LRP1B: variants seen among roughly 807,000 people sequenced by gnomAD.
LRP1B encodes the protein low-density lipoprotein receptor-related protein 1B.
A neutral mutation model predicts 556.6 loss-of-function variants in LRP1B; 217 were observed. The observed-to-expected ratio is 0.39, with a 90% CI of 0.35 to 0.44. LRP1B has a LOEUF of 0.44. Ranked by LOEUF, LRP1B falls within the 20% of genes least tolerant of loss-of-function variation. LRP1B has a pLI of 1.00. For synonymous variants in LRP1B, 2,047 were observed against 1,865.8 expected (o/e 1.10, Z -2.50); for missense variants, 5,053 against 5,620.8 (o/e 0.90, Z 3.23).
chr2:140,843,427 C>T (rs1204356379), intron 29 of LRP1B, among the ~76,000 whole-genome samples: 1 of 152,076 alleles, frequency 6.6e-6, no homozygotes, highest in Non-Finnish European at 1.5e-5. Context: ...AGGTATTCAA[C>T]AGCTTCTAGC....
At position 140,232,538 on chromosome 2, in the gene LRP1B, A is replaced by C. The variant is rs1680517031; in HGVS notation, c.*648T>G. 1 of 151,756 alleles carries C rather than the reference A, an allele frequency of 6.6e-6. No individual in the cohort carries two copies. Among genetic ancestry groups the C allele is most frequent in the African/African-American group, 2.4e-5 (1 of 41,338 alleles). The allele number at this position is 151,756 out of a possible 1,614,324, so 9.4% of individuals were successfully genotyped here. On this transcript the variant is annotated 3_prime_UTR_variant, in exon 91 of 91. Coordinates refer to ENST00000389484, the MANE Select transcript of LRP1B (RefSeq NM_018557.3). Reference sequence around the variant, plus strand: ...TGTATACATTTAGTACATCACATAGAGTCCACTAAGTTTTGGAAAATGTAG... The same window carrying C: ...TGTATACATTTAGTACATCACATAGCGTCCACTAAGTTTTGGAAAATGTAG...
chr2:141,988,665 C>T (rs938386352), intron 1 of LRP1B, among the ~76,000 whole-genome samples: 1 of 152,020 alleles, frequency 6.6e-6, no homozygotes, highest in Non-Finnish European at 1.5e-5. Flanking sequence ...CAAGAAAACA[C>T]TCATCTTCCA....
At chr2:142,128,909 A>C (rs574333137) in intron 1 of LRP1B, among the ~76,000 whole-genome samples, 1 of 152,296 alleles carries the variant, frequency 6.6e-6, no homozygotes, top group East Asian at 1.9e-4. Flanking sequence ...TCTATACAAA[A>C]TTCTCTTCAG....
At chr2:140,572,486 CA>C (rs929982229) in intron 43 of LRP1B, among the ~76,000 whole-genome samples, 1 of 150,812 alleles carries the variant, frequency 6.6e-6, no homozygotes, top group African/African-American at 2.4e-5. Flanking sequence ...ATCAAAAAGA[CA>C]AAAAATAACA....
intron 25 of LRP1B, among the ~76,000 whole-genome samples, chr2:140,881,253 AGTGTGTGTGTGTGT>A (rs3063611): frequency 1.3e-5 from 2 of 149,030 alleles, no homozygotes; most frequent in African/African-American, 4.9e-5. Flanking sequence ...CTTTGCTGTA[AGTGTGTGTGTGTGT>A]GTGTGTGTGC....
In LRP1B at chr2:141,502,336, C is replaced by T. The variant is rs538661179; in HGVS notation, c.206-21803G>A. 2.6e-5 allele frequency among the ~76,000 whole-genome samples: 4 copies of T among 152,208 alleles called. No individual in the cohort carries two copies. The South Asian group carries it at 8.3e-4, about 32-fold the overall frequency. On this transcript the variant is annotated intron_variant, in intron 2 of 90. Transcript: ENST00000389484. ...GGCTGATAATCTAATATCCTGGTCACCTTGAACTAAATGGTGAAATCCATT... is the reference window on the plus strand; with the variant it reads ...GGCTGATAATCTAATATCCTGGTCATCTTGAACTAAATGGTGAAATCCATT...
chr2:141,045,434 AAATT>A (rs1251382322), intron 11 of LRP1B, among the ~76,000 whole-genome samples: 2,570 of 87,958 alleles, frequency 0.029, 70 homozygotes, highest in African/African-American at 0.086. Context: ...AAAAATAAAT[AAATT>A]AATTAATTAA....
At chr2:140,927,465 C>G (rs963620988) in intron 20 of LRP1B, among the ~76,000 whole-genome samples, 20 of 152,036 alleles carry the variant, frequency 1.3e-4, no homozygotes, top group African/African-American at 4.8e-4. Context: ...TTTTTAACTT[C>G]TTGTATGGTT....
rs376385168 is a variant in LRP1B at position 140,541,834 on chromosome 2, G to C, written c.7332C>G (p.Ser2444=). ...YTGGDTKILR[S]DIPHQPMGII... is the part of the protein sequence containing the mutation. Reference sequence around the variant, plus strand: ...TTCCCATTGGCTGATGTGGAATATCGGAACGAAGAATTTTTGTATCTCCTC... The same window carrying C: ...TTCCCATTGGCTGATGTGGAATATCCGAACGAAGAATTTTTGTATCTCCTC... Residue 2444 remains serine (S), a synonymous_variant, in exon 44 of 91, where the codon TCC becomes TCG. Coordinates refer to ENST00000389484, the MANE Select transcript of LRP1B (RefSeq NM_018557.3). The C allele has an allele frequency of 1.2e-6, 2 of 1,612,490 alleles. No homozygotes were observed. Among genetic ancestry groups the C allele is most frequent in the Non-Finnish European group, 1.7e-6 (2 of 1,179,000 alleles).
intron 2 of LRP1B, among the ~76,000 whole-genome samples, chr2:141,683,657 A>G (rs1399193491): frequency 1.3e-5 from 2 of 152,092 alleles, no homozygotes; most frequent in African/African-American, 4.8e-5. Flanking sequence ...GGAAAGAAAT[A>G]AATTTAGGGA....
chr2:142,061,507 A>C (rs1187680390), intron 1 of LRP1B, among the ~76,000 whole-genome samples: 1 of 152,056 alleles, frequency 6.6e-6, no homozygotes, highest in East Asian at 1.9e-4. Flanking sequence ...TAAAGAATAT[A>C]ACACAAGGTA....
intron 1 of LRP1B, among the ~76,000 whole-genome samples, chr2:142,069,267 A>C (rs567983424): frequency 1.1e-4 from 17 of 151,730 alleles, no homozygotes; most frequent in Non-Finnish European, 2.5e-4. Flanking sequence ...GAATTTTACC[A>C]CTATAAATTC....
chr2:140,291,298 T>TTATA (rs66596182), intron 84 of LRP1B, among the ~76,000 whole-genome samples: 7,435 of 71,974 alleles, frequency 0.1, 1,159 homozygotes, highest in South Asian at 0.16. Context: ...AAATTTTATT[T>TTATA]TATATATATA....
chr2:141,991,566 T>C (rs1409916452), intron 1 of LRP1B, among the ~76,000 whole-genome samples: 2 of 152,022 alleles, frequency 1.3e-5, no homozygotes. Context: ...ACATGTAATA[T>C]AAAATTGCAC....
At chr2:140,327,126 A>G (rs1680530455) in intron 79 of LRP1B, among the ~76,000 whole-genome samples, 1 of 152,112 alleles carries the variant, frequency 6.6e-6, no homozygotes, top group African/African-American at 2.4e-5. Flanking sequence ...GCAACTGAAG[A>G]GTGTTCCCAA....
At chr2:141,563,275 C>T (rs569265141) in intron 2 of LRP1B, among the ~76,000 whole-genome samples, 23 of 151,870 alleles carry the variant, frequency 1.5e-4, no homozygotes, top group Admixed American at 1.1e-3. Flanking sequence ...AAATGTTGAT[C>T]CAGATTTGGA....
intron 2 of LRP1B, among the ~76,000 whole-genome samples, chr2:141,548,598 A>G (rs1449973524): frequency 6.6e-6 from 1 of 152,198 alleles, no homozygotes; most frequent in African/African-American, 2.4e-5. Context: ...AGTATTTCCA[A>G]TAAAGATCTT....
rs1314456119 is a variant in LRP1B, at chr2:140,501,803, T to C, written c.8734A>G (p.Asn2912Asp). The change falls in exon 55 of 91, where the codon AAT becomes GAT. Residue 2912 changes from asparagine (N) to aspartate (D), a missense_variant. Around this residue, in one of 5 missense-constraint regions of LRP1B, gnomAD observed 3,619 missense variants for 3,931.9 expected, o/e 0.92. Coordinates refer to ENST00000389484, the MANE Select transcript of LRP1B (RefSeq NM_018557.3). Reference sequence around the variant, plus strand: ...GAACCATCGCCACAGTCATCCTTATTGTCGCAAAGACCTCCACTGGGAATG... The same window carrying C: ...GAACCATCGCCACAGTCATCCTTATCGTCGCAAAGACCTCCACTGGGAATG... Reference protein sequence around the residue: ...RCIPSGGLCDNKDDCGDGSDE... With the variant: ...RCIPSGGLCDDKDDCGDGSDE... 6.2e-7 allele frequency: 1 copy of C among 1,612,926 alleles called. No individual in the cohort carries two copies. Among genetic ancestry groups the C allele is most frequent in the Admixed American group, 1.7e-5 (1 of 59,916 alleles).
In LRP1B at chr2:140,345,360, A is replaced by G. The variant is rs573538313; in HGVS notation, c.11892+5437T>C. 2.8e-4 allele frequency among the ~76,000 whole-genome samples: 43 copies of G among 151,576 alleles called. 1 individual carries two copies. The highest frequency in any genetic ancestry group is 5.0e-4 in the Non-Finnish European group (34 of 67,816). On this transcript the variant is annotated intron_variant, in intron 77 of 90. Transcript: ENST00000389484. ...ACTTGATTTCTTAGAAGTACACTAA[A>G]ATTATGACCCTGATCTCTTCCTCAA...
Sources: allele counts gnomAD v4.1 joint callset (sites outside exome capture counted in the v4.1 genomes callset), GRCh38; gene constraint gnomAD v4.1.1; regional missense constraint gnomAD v4.1.1; transcripts MANE v1.5; gene names NCBI Gene and HGNC (gene_info 2026-07-23, HGNC 2026-07-21).